The following CSMD1 variants were observed in gnomAD, a reference collection of about 807,000 sequenced individuals.
CSMD1 encodes CUB and Sushi multiple domains 1, also known as CUB and sushi domain-containing protein 1.
Under a neutral mutation model 417.5 loss-of-function variants are expected in CSMD1, and 213 were observed. The observed-to-expected ratio is 0.51, with a 90% CI of 0.46 to 0.57. The LOEUF (loss-of-function observed/expected upper bound fraction) is 0.57, where lower values mean the gene tolerates loss of function less well. CSMD1 is among the 20% of genes least tolerant of loss of function. CSMD1 has a pLI of 0.00. For synonymous variants in CSMD1, 2,862 were observed against 1,736.8 expected, an observed-to-expected ratio of 1.65 and a Z score of -16.11; for missense variants, 6,923 against 4,529.7, an observed-to-expected ratio of 1.53 and a Z score of -15.17.
chr8:4,899,787 A>G (rs1804745642), intron 1 of CSMD1, among the ~76,000 whole-genome samples: 1 of 152,184 alleles, frequency 6.6e-6, no homozygotes. Flanking sequence ...TTCCAAGAGG[A>G]TACAAGCACA....
chr8:3,548,461 C>T (rs1798768755), intron 10 of CSMD1, among the ~76,000 whole-genome samples: 1 of 152,034 alleles, frequency 6.6e-6, no homozygotes, highest in East Asian at 2.0e-4. Context: ...ACCCTTTCTG[C>T]CTGAGTCCTC....
At chr8:4,867,252 T>A (rs1027586293) in intron 1 of CSMD1, among the ~76,000 whole-genome samples, 1 of 152,090 alleles carries the variant, frequency 6.6e-6, no homozygotes, top group African/African-American at 2.4e-5. Flanking sequence ...TTGTTAAATA[T>A]GCAAATTGAT....
intron 6 of CSMD1, among the ~76,000 whole-genome samples, chr8:3,740,163 T>C (rs974550742): frequency 6.6e-6 from 1 of 152,184 alleles, no homozygotes; most frequent in Admixed American, 6.5e-5. Flanking sequence ...TGGAGTGCAA[T>C]AGCATGATCT....
At chr8:3,330,513 C>T (rs914410250) in intron 23 of CSMD1, among the ~76,000 whole-genome samples, 6 of 152,148 alleles carry the variant, frequency 3.9e-5, no homozygotes, top group African/African-American at 9.7e-5. Flanking sequence ...CCAAATACCG[C>T]GTGATCTCAC....
intron 3 of CSMD1, among the ~76,000 whole-genome samples, chr8:4,136,352 T>C (rs1803434816): frequency 6.6e-6 from 1 of 152,208 alleles, no homozygotes; most frequent in South Asian, 2.1e-4. Flanking sequence ...AAAATATTCA[T>C]CGCTGAGCAC....
intron 2 of CSMD1, among the ~76,000 whole-genome samples, chr8:4,523,541 A>G (rs1198328508): frequency 6.6e-6 from 1 of 152,124 alleles, no homozygotes; most frequent in Non-Finnish European, 1.5e-5. Context: ...ACACACACTC[A>G]CACACATGCA....
chr8:4,729,656 C>G (rs997837096), intron 1 of CSMD1, among the ~76,000 whole-genome samples: 1 of 152,160 alleles, frequency 6.6e-6, no homozygotes, highest in African/African-American at 2.4e-5. Flanking sequence ...GCATGAGTAT[C>G]TATTTGGCAA....
chr8:4,080,502 G>A (rs1800074195), intron 3 of CSMD1, among the ~76,000 whole-genome samples: 1 of 152,110 alleles, frequency 6.6e-6, no homozygotes, highest in Non-Finnish European at 1.5e-5. Context: ...TTTCTTACTT[G>A]CAAAAGAAGA....
Position 4,116,933 on chromosome 8 carries a change from G to A in CSMD1, c.416-84834C>T, listed in dbSNP as rs181183907. The stretch of plus-strand genomic sequence containing the variant: ...GTACTCGAAATGTGTACCATCCTTT[G>A]TCTTTTCCATGAAGTCTGAGAATCA... On this transcript the variant is annotated intron_variant, in intron 3 of 69. Coordinates refer to ENST00000635120, the MANE Select transcript of CSMD1 (RefSeq NM_033225.6). Among the ~76,000 whole-genome samples, 3 of 152,126 alleles carry A rather than the reference G, an allele frequency of 2.0e-5. No individual in the cohort carries two copies. In the Admixed American group the frequency reaches 2.0e-4, roughly 10 times the overall value.
At chr8:3,254,918 C>G (rs1010905239) in intron 26 of CSMD1, among the ~76,000 whole-genome samples, 1 of 152,180 alleles carries the variant, frequency 6.6e-6, no homozygotes, top group Non-Finnish European at 1.5e-5. Context: ...TGGTGAGGAG[C>G]TGATTTCCTT....
At chr8:3,312,548 G>A (rs934040494) in intron 23 of CSMD1, among the ~76,000 whole-genome samples, 1 of 152,170 alleles carries the variant, frequency 6.6e-6, no homozygotes, top group Non-Finnish European at 1.5e-5. Flanking sequence ...TTCTCTCAAA[G>A]CTCCTCGCAG....
chr8:4,921,398 T>A (rs989473907), intron 1 of CSMD1, among the ~76,000 whole-genome samples: 7 of 152,204 alleles, frequency 4.6e-5, no homozygotes, highest in Non-Finnish European at 7.3e-5. Context: ...ATATGAAACA[T>A]GTATAATGTG....
In CSMD1 at chr8:3,726,178, C is replaced by G. The variant is rs2623751; in HGVS notation, c.932-17687G>C. On this transcript the variant is annotated intron_variant, in intron 6 of 69. Transcript: ENST00000635120. ...GCGTCCTGCCAATCTCCACACGAAT[C>G]AGCTCTTGGAACTCAGCCTCCGTTG... Among the ~76,000 whole-genome samples, 678 of 152,238 alleles carry G rather than the reference C, an allele frequency of 4.5e-3. 11 individuals carry two copies. In the East Asian group the frequency reaches 0.07, roughly 16 times the overall value.
At chr8:4,808,769 C>G (rs770029301) in intron 1 of CSMD1, among the ~76,000 whole-genome samples, 8 of 152,172 alleles carry the variant, frequency 5.3e-5, no homozygotes, top group Non-Finnish European at 8.8e-5. Flanking sequence ...TTATTTAGAA[C>G]CTTGGTATCA....
intron 2 of CSMD1, among the ~76,000 whole-genome samples, chr8:4,561,082 A>C (rs894495980): frequency 2.6e-5 from 4 of 152,240 alleles, no homozygotes; most frequent in African/African-American, 9.6e-5. Flanking sequence ...TTATTAAATG[A>C]AAACATCGAC....
At chr8:4,496,736 T>A (rs1801998758) in intron 2 of CSMD1, among the ~76,000 whole-genome samples, 1 of 152,132 alleles carries the variant, frequency 6.6e-6, no homozygotes, top group Non-Finnish European at 1.5e-5. Flanking sequence ...AGTAAAAAGC[T>A]ACTTGCCTGG....
At chr8:3,391,543 T>G (rs767013990) in intron 17 of CSMD1, among the ~76,000 whole-genome samples, 1 of 152,214 alleles carries the variant, frequency 6.6e-6, no homozygotes, top group Non-Finnish European at 1.5e-5. Context: ...TCGTAAAGAA[T>G]GGCTAGACTG....
intron 5 of CSMD1, among the ~76,000 whole-genome samples, chr8:3,957,616 C>A (rs912138922): frequency 2.6e-5 from 4 of 151,748 alleles, no homozygotes; most frequent in Non-Finnish European, 4.4e-5. Context: ...CTCAGGAGTT[C>A]GGGGTTGCAG....
intron 8 of CSMD1, among the ~76,000 whole-genome samples, chr8:3,587,502 G>A (rs182197827): frequency 7.7e-5 from 10 of 130,382 alleles, no homozygotes; most frequent in Admixed American, 6.6e-4. Context: ...AGACAAGATA[G>A]GGGAAACATA....
Sources: gnomAD v4.1 joint callset for allele counts (sites outside exome capture counted in the v4.1 genomes callset) on GRCh38, gnomAD v4.1.1 for gene constraint, MANE v1.5 for transcripts, NCBI Gene and HGNC (gene_info 2026-07-23, HGNC 2026-07-21) for gene names.